Variants in HLCS observed in about 807,000 individuals in gnomAD.
The protein encoded by HLCS is holocarboxylase synthetase, also known as biotin--protein ligase.
A neutral mutation model predicts 75.0 loss-of-function variants in HLCS; 53 were observed. The observed-to-expected ratio is 0.71, with a 90% CI of 0.57 to 0.89. HLCS has a LOEUF of 0.89. Among genes scored for constraint, HLCS ranks in the 40% least tolerant of loss-of-function variants. HLCS has a pLI of 0.00. For synonymous variants in HLCS, 431 were observed against 428.6 expected (o/e 1.01, Z -0.07); for missense variants, 966 against 1,074.0 (o/e 0.90, Z 1.41).
Position 36,753,152 on chromosome 21 carries a change from ACACACGCACGCACACACATATGCGGG to A in HLCS, c.*1068_*1093del, listed in dbSNP as rs1447645440. ...TGTCTTCTTTTAAAGCTATGTGCGC[ACACACGCACGCACACACATATGCGGG>A]CACACACACACATCCTCCCTCTGAA... On this transcript the variant is annotated 3_prime_UTR_variant, in exon 11 of 11. Transcript: ENST00000674895. The surrounding 1 kb of genome is among the most constrained non-coding windows in gnomAD (Gnocchi z 4.3). 1 of 152,678 alleles carries A rather than the reference ACACACGCACGCACACACATATGCGGG, an allele frequency of 6.5e-6. No individual in the cohort carries two copies. Among genetic ancestry groups the A allele is most frequent in the Non-Finnish European group, 1.5e-5 (1 of 68,060 alleles). 9.5% of individuals were successfully genotyped at this position (152,678 alleles called of 1,614,324 possible).
chr21:36,831,705 TAA>T (rs909254108), intron 6 of HLCS, among the ~76,000 whole-genome samples: 1 of 152,096 alleles, frequency 6.6e-6, no homozygotes, highest in Non-Finnish European at 1.5e-5. Context: ...TCAATCAAAA[TAA>T]AGTTATTGTA....
chr21:36,822,706 C>T (rs1420707755), intron 6 of HLCS, among the ~76,000 whole-genome samples: 1 of 152,132 alleles, frequency 6.6e-6, no homozygotes, highest in African/African-American at 2.4e-5. Context: ...TGGATCATTA[C>T]TATTAATGCT....
At chr21:36,964,932 A>G (rs2068488278) in intron 1 of HLCS, among the ~76,000 whole-genome samples, 1 of 152,176 alleles carries the variant, frequency 6.6e-6, no homozygotes, top group Non-Finnish European at 1.5e-5. Context: ...ATCTTTCTCA[A>G]TCAGGTTAAT....
chr21:36,894,369 A>G (rs1360200644), intron 6 of HLCS, among the ~76,000 whole-genome samples: 1 of 152,200 alleles, frequency 6.6e-6, no homozygotes, highest in African/African-American at 2.4e-5. Context: ...GAAATATTTT[A>G]GTCTTATTCT....
rs1390769783 is a variant in HLCS, at chr21:36,868,271, G to GA, written c.1892+28588dup. Among the ~76,000 whole-genome samples, 316 of 146,580 alleles carry GA rather than the reference G, an allele frequency of 2.2e-3. 1 individual carries two copies. Among genetic ancestry groups the GA allele is most frequent in the African/African-American group, 6.8e-3 (272 of 39,836 alleles). ...AGAAAGAAAGAGAGAAGGAAGGAAGGAAGGAAAGAAAGAAAGAAAGAAAAA... is the reference window on the plus strand; with the variant it reads ...AGAAAGAAAGAGAGAAGGAAGGAAGGAAAGGAAAGAAAGAAAGAAAGAAAAA... On this transcript the variant is annotated intron_variant, in intron 6 of 10. Transcript: ENST00000674895.
intron 5 of HLCS, among the ~76,000 whole-genome samples, chr21:36,902,708 A>G (rs749010643): frequency 2.2e-4 from 33 of 152,204 alleles, no homozygotes; most frequent in Non-Finnish European, 3.2e-4. Flanking sequence ...ACATGACAAC[A>G]GGGAGAATGA....
chr21:36,805,367 C>T (rs753173028), intron 6 of HLCS, among the ~76,000 whole-genome samples: 2 of 152,230 alleles, frequency 1.3e-5, no homozygotes, highest in Non-Finnish European at 1.5e-5. Flanking sequence ...CAGGTACCTT[C>T]CTCCTCCCAG....
intron 5 of HLCS, among the ~76,000 whole-genome samples, chr21:36,900,063 C>T (rs1287695001): frequency 2.6e-5 from 4 of 152,004 alleles, no homozygotes; most frequent in Non-Finnish European, 4.4e-5. Context: ...CAAGATTGCG[C>T]CACTGCACTC....
At chr21:36,930,746 A>C (rs1431650916) in intron 4 of HLCS, among the ~76,000 whole-genome samples, 3 of 152,222 alleles carry the variant, frequency 2.0e-5, no homozygotes, top group Non-Finnish European at 4.4e-5. Flanking sequence ...AGTATAACCC[A>C]CAAGAGAAAA....
rs1187246020 is a variant in HLCS at position 36,864,238 on chromosome 21, A to G, written c.1892+32622T>C. ...AACATGGTGAAACCTTGTCTCTACTAAAAATACAAAAATTAGCTGGGCATG... is the reference window on the plus strand; with the variant it reads ...AACATGGTGAAACCTTGTCTCTACTGAAAATACAAAAATTAGCTGGGCATG... On this transcript the variant is annotated intron_variant, in intron 6 of 10. Coordinates refer to ENST00000674895, the MANE Select transcript of HLCS (RefSeq NM_001352514.2). Among the ~76,000 whole-genome samples, 5 of 152,112 alleles carry G rather than the reference A, an allele frequency of 3.3e-5. No homozygotes were observed. The East Asian group carries it at 7.7e-4, about 24-fold the overall frequency.
At chr21:36,960,258 G>A (rs1223416143) in intron 2 of HLCS, among the ~76,000 whole-genome samples, 2 of 151,908 alleles carry the variant, frequency 1.3e-5, no homozygotes, top group East Asian at 3.9e-4. Flanking sequence ...CAGGCCAAGT[G>A]GGTGGAATAA....
Position 36,813,629 on chromosome 21 carries a change from G to A in HLCS, c.1893-46344C>T, listed in dbSNP as rs572349472. On this transcript the variant is annotated intron_variant, in intron 6 of 10. Coordinates refer to ENST00000674895, the MANE Select transcript of HLCS (RefSeq NM_001352514.2). The stretch of plus-strand genomic sequence containing the variant: ...TGGAAAAATGTGTAATGAATCAGGC[G>A]GCTCATAATTTCCCTTAGAATATGT... Among the ~76,000 whole-genome samples the A allele has an allele frequency of 3.3e-5, 5 of 152,206 alleles. No individual in the cohort carries two copies. The South Asian group carries it at 6.2e-4, about 19-fold the overall frequency.
At chr21:36,822,776 T>C (rs1469391997) in intron 6 of HLCS, among the ~76,000 whole-genome samples, 4 of 152,146 alleles carry the variant, frequency 2.6e-5, no homozygotes, top group African/African-American at 4.8e-5. Flanking sequence ...CAATTATCCA[T>C]GCATGGAAAA....
At chr21:36,840,666 G>A (rs1294119406) in intron 6 of HLCS, among the ~76,000 whole-genome samples, 1 of 152,148 alleles carries the variant, frequency 6.6e-6, no homozygotes, top group Non-Finnish European at 1.5e-5. Flanking sequence ...AGGCTGGAGT[G>A]CAATGGCGTG....
chr21:36,882,143 G>T (rs535148384), intron 6 of HLCS, among the ~76,000 whole-genome samples: 1 of 151,544 alleles, frequency 6.6e-6, no homozygotes, highest in Admixed American at 6.6e-5. Flanking sequence ...TTAGCCGGGC[G>T]TGGTGGCAGG....
At chr21:36,821,180 T>G (rs553027147) in intron 6 of HLCS, among the ~76,000 whole-genome samples, 2 of 152,248 alleles carry the variant, frequency 1.3e-5, no homozygotes, top group African/African-American at 4.8e-5. Context: ...GGCGAATTTC[T>G]TTCACCCCGA....
intron 6 of HLCS, among the ~76,000 whole-genome samples, chr21:36,813,008 G>C (rs544991415): frequency 2.0e-5 from 3 of 152,312 alleles, no homozygotes; most frequent in Admixed American, 6.5e-5. Context: ...GCAGTGAGCT[G>C]TGATCATGCC....
intron 5 of HLCS, among the ~76,000 whole-genome samples, chr21:36,928,302 G>A (rs901796257): frequency 2.0e-5 from 3 of 152,228 alleles, no homozygotes; most frequent in East Asian, 1.9e-4. Context: ...GGCCGGGAGC[G>A]CCATGCCTGT....
chr21:36,959,610 C>T (rs2068167925), intron 2 of HLCS, among the ~76,000 whole-genome samples: 1 of 152,168 alleles, frequency 6.6e-6, no homozygotes, highest in African/African-American at 2.4e-5. Flanking sequence ...TTTTTCTGGC[C>T]CGCCCATGGC....
Sources: gnomAD v4.1 joint callset for allele counts (sites outside exome capture counted in the v4.1 genomes callset) on GRCh38, gnomAD v4.1.1 for gene constraint, Gnocchi (gnomAD v3.1) non-coding constraint, MANE v1.5 for transcripts, NCBI Gene and HGNC (gene_info 2026-07-23, HGNC 2026-07-21) for gene names.